GRID2: variants seen among roughly 807,000 people sequenced by gnomAD.
GRID2 encodes glutamate ionotropic receptor delta type subunit 2.
GRID2 carries 33 observed loss-of-function variants against 114.8 expected under a neutral mutation model. The observed-to-expected ratio is 0.29, with a 90% confidence interval of 0.22 to 0.38. GRID2 has a LOEUF of 0.38. Ranked by LOEUF, GRID2 falls within the 10% of genes least tolerant of loss-of-function variation. The pLI is 1.00. For synonymous variants in GRID2, 505 were observed against 449.9 expected (o/e 1.12, Z -1.55); for missense variants, 1,184 against 1,257.7 (o/e 0.94, Z 0.89).
At chr4:93,557,317 C>T (rs908058591) in intron 13 of GRID2, among the ~76,000 whole-genome samples, 8 of 152,094 alleles carry the variant, frequency 5.3e-5, no homozygotes, top group African/African-American at 9.7e-5. Flanking sequence ...GAGTCAAGAC[C>T]CATCAGTGTG....
intron 13 of GRID2, among the ~76,000 whole-genome samples, chr4:93,551,535 G>T (rs1355305576): frequency 6.6e-6 from 1 of 152,106 alleles, no homozygotes; most frequent in Non-Finnish European, 1.5e-5. Flanking sequence ...GTTAGGAGGT[G>T]AATCAGAAAG....
intron 2 of GRID2, among the ~76,000 whole-genome samples, chr4:93,012,343 C>T (rs894241136): frequency 6.6e-6 from 1 of 152,066 alleles, no homozygotes; most frequent in Non-Finnish European, 1.5e-5. Flanking sequence ...CACTCACACA[C>T]AGACATCCAT....
intron 7 of GRID2, among the ~76,000 whole-genome samples, chr4:93,237,207 A>G (rs1746901444): frequency 6.6e-6 from 1 of 151,952 alleles, no homozygotes; most frequent in Admixed American, 6.6e-5. Context: ...AAAACTAGAT[A>G]ATAGAAACTG....
At chr4:93,626,480 A>G in intron 14 of GRID2, 45 bp downstream of exon 14, 1 of 1,281,768 alleles carries the variant, frequency 7.8e-7, no homozygotes, top group Non-Finnish European at 1.1e-6. Flanking sequence ...TGAAATTTAG[A>G]CAAAGAATAT....
intron 4 of GRID2, among the ~76,000 whole-genome samples, chr4:93,143,055 A>C (rs1735909037): frequency 6.6e-6 from 1 of 152,202 alleles, no homozygotes; most frequent in African/African-American, 2.4e-5. Flanking sequence ...ATCTTTTATA[A>C]TAGGCTGCAA....
chr4:93,024,754 C>A (rs1251016612), intron 2 of GRID2, among the ~76,000 whole-genome samples: 1 of 151,630 alleles, frequency 6.6e-6, no homozygotes. Flanking sequence ...AGTATTAATT[C>A]CTTCTTTCTG....
chr4:93,711,900 C>T (rs973865107), intron 14 of GRID2, among the ~76,000 whole-genome samples: 3 of 152,110 alleles, frequency 2.0e-5, no homozygotes, highest in Admixed American at 2.0e-4. Flanking sequence ...AAGCTGTTTT[C>T]TTGTGTGGAT....
intron 8 of GRID2, among the ~76,000 whole-genome samples, chr4:93,308,800 G>A (rs1222147463): frequency 1.3e-5 from 2 of 152,168 alleles, no homozygotes; most frequent in African/African-American, 4.8e-5. Context: ...CAACTGAAGT[G>A]TTGCTTCCTT....
chr4:92,439,939 AG>A, intron 1 of GRID2, among the ~76,000 whole-genome samples: 1 of 146,002 alleles, frequency 6.8e-6, no homozygotes, highest in East Asian at 2.0e-4. Context: ...AACGGTGAAT[AG>A]GAGTATGACT....
rs1476653128 is a variant in GRID2 at position 92,939,948 on chromosome 4, A to G, written c.245-145047A>G. 2.7e-5 allele frequency among the ~76,000 whole-genome samples: 4 copies of G among 147,138 alleles called. 1 individual carries two copies. In the East Asian group the frequency reaches 8.6e-4, roughly 32 times the overall value. On this transcript the variant is annotated intron_variant, in intron 2 of 15. Coordinates refer to ENST00000282020, the MANE Select transcript of GRID2 (RefSeq NM_001510.4). ...ATATCTCTGTTTTGGTACCAGTACC[A>G]TGCTGTTTTGGTTACTGTAGCCTTG...
intron 10 of GRID2, among the ~76,000 whole-genome samples, chr4:93,454,469 A>G (rs1580131833): frequency 2.0e-5 from 3 of 152,216 alleles, no homozygotes; most frequent in South Asian, 2.1e-4. Context: ...AGGAAAACAC[A>G]TAATTCATAG....
intron 13 of GRID2, among the ~76,000 whole-genome samples, chr4:93,566,126 C>A (rs61064539): frequency 0.14 from 21,653 of 152,028 alleles, 3,080 homozygotes; most frequent in African/African-American, 0.37. Flanking sequence ...AGCGAAGAAC[C>A]CAAACACCCA....
At chr4:93,744,212 T>A (rs1271034469) in intron 14 of GRID2, among the ~76,000 whole-genome samples, 1 of 152,210 alleles carries the variant, frequency 6.6e-6, no homozygotes, top group African/African-American at 2.4e-5. Context: ...TTTTCGTGCC[T>A]GCTAACACAT....
chr4:93,270,665 A>C (rs1751363466), intron 8 of GRID2, among the ~76,000 whole-genome samples: 1 of 151,742 alleles, frequency 6.6e-6, no homozygotes, highest in Non-Finnish European at 1.5e-5. Flanking sequence ...GTCTCATTCT[A>C]CTGCCCAGGC....
At chr4:92,403,733 TAAA>T (rs1560609414) in intron 1 of GRID2, among the ~76,000 whole-genome samples, 2 of 146,378 alleles carry the variant, frequency 1.4e-5, no homozygotes, top group Non-Finnish European at 3.0e-5. Context: ...AATAAATAAA[TAAA>T]TAAATAAAGT....
At chr4:93,027,190 A>G (rs1723957986) in intron 2 of GRID2, among the ~76,000 whole-genome samples, 2 of 151,946 alleles carry the variant, frequency 1.3e-5, no homozygotes, top group Admixed American at 6.6e-5. Context: ...TTTGGCTGCT[A>G]TTTATATAGG....
At chr4:93,208,215 A>C (rs149744826) in intron 5 of GRID2, among the ~76,000 whole-genome samples, 3 of 152,012 alleles carry the variant, frequency 2.0e-5, no homozygotes, top group Non-Finnish European at 4.4e-5. Flanking sequence ...TTCTAGAATA[A>C]TAAGATTTCT....
At chr4:93,332,267 C>CGTGTGT (rs1234388137) in intron 8 of GRID2, among the ~76,000 whole-genome samples, 7 of 133,936 alleles carry the variant, frequency 5.2e-5, no homozygotes, top group East Asian at 4.4e-4. Context: ...TGTGTGTGTG[C>CGTGTGT]GTGTGTGTGT....
intron 4 of GRID2, among the ~76,000 whole-genome samples, chr4:93,195,346 G>A (rs1741380709): frequency 6.6e-6 from 1 of 152,138 alleles, no homozygotes; most frequent in Non-Finnish European, 1.5e-5. Context: ...TACAACTGTG[G>A]GCAAATAGGT....
Sources: gnomAD v4.1 joint callset for allele counts (sites outside exome capture counted in the v4.1 genomes callset) on GRCh38, gnomAD v4.1.1 for gene constraint, MANE v1.5 for transcripts, NCBI Gene and HGNC (gene_info 2026-07-23, HGNC 2026-07-21) for gene names.